Variants in TNNI3K observed in about 807,000 individuals in gnomAD.
TNNI3K encodes TNNI3 interacting kinase, also known as serine/threonine-protein kinase TNNI3K.
Under a neutral mutation model 114.5 loss-of-function variants are expected in TNNI3K, and 140 were observed. The observed-to-expected ratio is 1.22, with a 90% confidence interval of 1.07 to 1.41. The LOEUF is 1.41. TNNI3K is among the 40% of genes most tolerant of loss of function. The probability of loss-of-function intolerance (pLI) is 0.00; values close to 1 mark genes in which losing one functional copy is unlikely to be tolerated. For missense variants in TNNI3K, 1,125 were observed against 1,007.6 expected (o/e 1.12, Z -1.58); for synonymous variants, 347 against 347.5 (o/e 1.00, Z 0.02).
intron 4 of TNNI3K, among the ~76,000 whole-genome samples, chr1:74,269,771 C>T (rs1316074906): frequency 6.6e-6 from 1 of 151,802 alleles, no homozygotes; most frequent in African/African-American, 2.4e-5. Context: ...ATATGGGACT[C>T]AGACTTAGCA....
intron 17 of TNNI3K, among the ~76,000 whole-genome samples, chr1:74,424,905 G>A (rs1665561936): frequency 6.6e-6 from 1 of 151,974 alleles, no homozygotes; most frequent in Non-Finnish European, 1.5e-5. Context: ...AATCCACCTG[G>A]AGAAATATGA....
chr1:74,451,619 C>A lies in TNNI3K; in HGVS notation c.2012-11822C>A, dbSNP rs909037643. Among the ~76,000 whole-genome samples, 3 of 143,600 alleles carry A rather than the reference C, an allele frequency of 2.1e-5. No homozygotes were observed. The East Asian group carries it at 6.1e-4, about 29-fold the overall frequency. The allele number at this position is 143,600 out of a possible 152,430, so 94.2% of individuals were successfully genotyped here. ...TTCCTTTCTTTTCTTTCTTTCCTTC[C>A]TTCCTTCCTTTTCTTTTTCTTTCTT... is the stretch of plus-strand genomic sequence containing the variant. On this transcript the variant is annotated intron_variant, in intron 20 of 24. Transcript: ENST00000326637.
chr1:74,296,655 A>G (rs1041711085), intron 5 of TNNI3K, among the ~76,000 whole-genome samples: 1 of 152,084 alleles, frequency 6.6e-6, no homozygotes, highest in Non-Finnish European at 1.5e-5. Flanking sequence ...AGAAAAAAAA[A>G]TGACTTATTC....
chr1:74,391,446 A>G (rs1477381076), intron 17 of TNNI3K, among the ~76,000 whole-genome samples: 1 of 152,132 alleles, frequency 6.6e-6, no homozygotes, highest in Non-Finnish European at 1.5e-5. Context: ...TACTAGATAC[A>G]TATAGGAGAT....
Position 74,439,600 on chromosome 1 carries a change from T to C in TNNI3K, c.1989T>C (p.Ile663=). 1 of 1,613,452 alleles carries C rather than the reference T, an allele frequency of 6.2e-7. No homozygotes were observed. The highest frequency in any genetic ancestry group is 1.1e-5 in the South Asian group (1 of 91,066). Residue 663 remains isoleucine, a synonymous_variant, in exon 20 of 25, where the codon ATT becomes ATC. Coordinates refer to ENST00000326637, the MANE Select transcript of TNNI3K (RefSeq NM_015978.3). ...LCLWEILTGE[I]PFAHLKPAAA... is the part of the protein sequence containing the mutation. ...TGTGGGAAATTCTCACTGGCGAAATTCCATTCGCTCATCTCAAGCCAGGTA... is the reference window on the plus strand; with the variant it reads ...TGTGGGAAATTCTCACTGGCGAAATCCCATTCGCTCATCTCAAGCCAGGTA...
At chr1:74,391,478 C>T (rs1330958730) in intron 17 of TNNI3K, among the ~76,000 whole-genome samples, 2 of 151,996 alleles carry the variant, frequency 1.3e-5, no homozygotes, top group Admixed American at 1.3e-4. Context: ...AAGAAATAGG[C>T]AGACACAGGT....
chr1:74,297,358 A>G (rs1658050187), intron 5 of TNNI3K, among the ~76,000 whole-genome samples: 1 of 152,054 alleles, frequency 6.6e-6, no homozygotes, highest in South Asian at 2.1e-4. Flanking sequence ...TGGTGGTGGG[A>G]CTTTTGGGAG....
Position 74,267,676 on chromosome 1 carries a change from A to G in TNNI3K, c.334-3922A>G, listed in dbSNP as rs553643185. ...CTGCTTTATGTTTATTATCTTTAGC[A>G]TAGCTGCATAAGATAAAAGTTTTAT... On this transcript the variant is annotated intron_variant, in intron 4 of 24. Coordinates refer to ENST00000326637, the MANE Select transcript of TNNI3K (RefSeq NM_015978.3). Among the ~76,000 whole-genome samples the G allele has an allele frequency of 3.9e-5, 6 of 152,098 alleles. No homozygotes were observed. In the East Asian group the frequency reaches 9.7e-4, roughly 25 times the overall value.
At chr1:74,494,115 T>G (rs1252720479) in intron 23 of TNNI3K, among the ~76,000 whole-genome samples, 4 of 152,126 alleles carry the variant, frequency 2.6e-5, no homozygotes, top group Non-Finnish European at 5.9e-5. Context: ...TAGTTTAAAA[T>G]CTTTCTCCGT....
At chr1:74,496,872 A>G (rs1053220779) in intron 23 of TNNI3K, among the ~76,000 whole-genome samples, 1 of 152,178 alleles carries the variant, frequency 6.6e-6, no homozygotes, top group Middle Eastern at 3.2e-3. Context: ...GTAAATTTAG[A>G]AATGACAAAC....
intron 5 of TNNI3K, among the ~76,000 whole-genome samples, chr1:74,314,424 T>G (rs1484019250): frequency 1.3e-5 from 2 of 152,136 alleles, no homozygotes; most frequent in African/African-American, 4.8e-5. Context: ...TGTTTGTATC[T>G]ATCTCATTTG....
intron 5 of TNNI3K, among the ~76,000 whole-genome samples, chr1:74,327,653 A>G (rs1318721122): frequency 1.2e-5 from 1 of 84,352 alleles, no homozygotes; most frequent in Admixed American, 1.5e-4. Context: ...CTTTTTATAT[A>G]TCAGTACTAT....
chr1:74,517,259 T>C (rs1247063260), intron 23 of TNNI3K, among the ~76,000 whole-genome samples: 4 of 152,230 alleles, frequency 2.6e-5, no homozygotes, highest in African/African-American at 9.6e-5. Context: ...TGGTTTATTA[T>C]ATTCTGTCAG....
intron 5 of TNNI3K, among the ~76,000 whole-genome samples, chr1:74,278,658 G>A (rs1315607130): frequency 6.6e-6 from 1 of 151,922 alleles, no homozygotes; most frequent in African/African-American, 2.4e-5. Context: ...CACTTCAATG[G>A]TTTTTAGTAT....
At chr1:74,285,786 G>A (rs1004998414) in intron 5 of TNNI3K, among the ~76,000 whole-genome samples, 1 of 152,110 alleles carries the variant, frequency 6.6e-6, no homozygotes, top group Non-Finnish European at 1.5e-5. Context: ...CTCCATAAAA[G>A]CAGAAGAGAT....
At chr1:74,352,641 G>C (rs2100475165) in intron 9 of TNNI3K, among the ~76,000 whole-genome samples, 1 of 152,268 alleles carries the variant, frequency 6.6e-6, no homozygotes, top group South Asian at 2.1e-4. Context: ...CAGAAGCTTT[G>C]TTTACCTACT....
At chr1:74,529,099 G>A (rs1035026685) in intron 23 of TNNI3K, among the ~76,000 whole-genome samples, 1 of 152,130 alleles carries the variant, frequency 6.6e-6, no homozygotes, top group African/African-American at 2.4e-5. Context: ...ATAAATGATA[G>A]AAGTAAATAA....
At chr1:74,378,144 C>T (rs959430990) in intron 17 of TNNI3K, among the ~76,000 whole-genome samples, 2 of 151,764 alleles carry the variant, frequency 1.3e-5, no homozygotes. Flanking sequence ...ATTAGGGCTA[C>T]CTGTAGTTCT....
intron 21 of TNNI3K, among the ~76,000 whole-genome samples, chr1:74,485,655 G>A (rs1668720246): frequency 6.6e-6 from 1 of 152,180 alleles, no homozygotes; most frequent in Admixed American, 6.6e-5. Flanking sequence ...AAGTGGGTCT[G>A]ACCTAACTGG....
Sources: gnomAD v4.1 joint callset for allele counts (sites outside exome capture counted in the v4.1 genomes callset) on GRCh38, gnomAD v4.1.1 for gene constraint, MANE v1.5 for transcripts, NCBI Gene and HGNC (gene_info 2026-07-23, HGNC 2026-07-21) for gene names.